FAM118A: variants seen among roughly 807,000 people sequenced by gnomAD.
FAM118A encodes the protein protein FAM118A.
A neutral mutation model predicts 38.2 loss-of-function variants in FAM118A; 25 were observed. The ratio of observed to expected loss-of-function variants is 0.65; its 90% CI spans 0.48 to 0.91. The LOEUF (loss-of-function observed/expected upper bound fraction) is 0.91, where lower values mean the gene tolerates loss of function less well. FAM118A is among the 40% of genes least tolerant of loss of function. The pLI is 0.00. For synonymous variants in FAM118A, 178 were observed against 184.1 expected (o/e 0.97, Z 0.27); for missense variants, 425 against 463.3 (o/e 0.92, Z 0.76).
At chr22:45,317,517 C>T (rs748238465) in intron 1 of FAM118A, among the ~76,000 whole-genome samples, 2 of 152,168 alleles carry the variant, frequency 1.3e-5, no homozygotes, top group African/African-American at 2.4e-5. Flanking sequence ...TTTTTTGTTA[C>T]ACCACTTTTA....
intron 1 of FAM118A, among the ~76,000 whole-genome samples, chr22:45,312,092 T>C (rs1209284839): frequency 6.6e-6 from 1 of 152,078 alleles, no homozygotes; most frequent in Admixed American, 6.5e-5. Context: ...CATCGTGCTT[T>C]TTCTATTATC....
intron 1 of FAM118A, among the ~76,000 whole-genome samples, chr22:45,314,579 C>T (rs1339684729): frequency 6.6e-6 from 1 of 152,224 alleles, no homozygotes. Flanking sequence ...AAAATTAGGG[C>T]ATTTGGTTTC....
chr22:45,309,860 C>G (rs866615162), upstream of FAM118A: 12 of 151,974 alleles, frequency 7.9e-5, no homozygotes, highest in Admixed American at 2.6e-4. Context: ...GGCGGGGCCT[C>G]CGGGGACCGC....
At chr22:45,323,800 C>T (rs2085060034) in intron 3 of FAM118A, among the ~76,000 whole-genome samples, 2 of 152,198 alleles carry the variant, frequency 1.3e-5, no homozygotes. Context: ...ATGACAGGTG[C>T]TTCCTAGAAA....
chr22:45,330,482 A>C, intron 4 of FAM118A, 121 bp from the exon 5 acceptor site: 1 of 1,132,440 alleles, frequency 8.8e-7, no homozygotes, highest in Non-Finnish European at 1.2e-6. Context: ...AAAGTGAAGC[A>C]TCTCTCGATG....
chr22:45,332,965 ACTC>A (rs1388484267), intron 6 of FAM118A, among the ~76,000 whole-genome samples: 1 of 151,348 alleles, frequency 6.6e-6, no homozygotes, highest in Non-Finnish European at 1.5e-5. Flanking sequence ...CTGGTCTCGA[ACTC>A]CTGACCTCAG....
chr22:45,326,380 T>C (rs2085267258), intron 3 of FAM118A, among the ~76,000 whole-genome samples: 1 of 152,164 alleles, frequency 6.6e-6, no homozygotes, highest in South Asian at 2.1e-4. Flanking sequence ...TCCTCTTGTG[T>C]CTCTCAGAGT....
At chr22:45,332,282 CCTT>C (rs10592722) in intron 5 of FAM118A, 140 bp from the exon 6 acceptor site, 279,612 of 839,686 alleles carry the variant, frequency 0.33, 54,216 homozygotes, top group African/African-American at 0.75. Flanking sequence ...AGGATACTGT[CCTT>C]CTAACTGTGC....
intron 7 of FAM118A, among the ~76,000 whole-genome samples, chr22:45,336,123 C>T (rs749412558): frequency 6.6e-6 from 1 of 152,192 alleles, no homozygotes; most frequent in African/African-American, 2.4e-5. Flanking sequence ...TGCGAAAGGA[C>T]ATCTTCATTA....
intron 8 of FAM118A, among the ~76,000 whole-genome samples, chr22:45,338,153 T>C (rs1447955244): frequency 6.6e-6 from 1 of 152,220 alleles, no homozygotes; most frequent in Non-Finnish European, 1.5e-5. Context: ...CCATCTTCTC[T>C]GTTCTCCCTT....
chr22:45,325,714 G>C (rs1432822419), intron 3 of FAM118A, among the ~76,000 whole-genome samples: 3 of 152,198 alleles, frequency 2.0e-5, no homozygotes, highest in Admixed American at 2.0e-4. Context: ...AGGACTATTG[G>C]AGGAGAGTGA....
intron 1 of FAM118A, among the ~76,000 whole-genome samples, chr22:45,313,468 G>A (rs1203488724): frequency 3.3e-5 from 5 of 151,882 alleles, no homozygotes; most frequent in South Asian, 4.2e-4. Context: ...GATTACAGGC[G>A]CCTGCCACCT....
rs530733217 is a variant in FAM118A, at chr22:45,330,509, G to T, written c.523-94G>T. On this transcript the variant is annotated intron_variant, in intron 4 of 8. Coordinates refer to ENST00000441876, the MANE Select transcript of FAM118A (RefSeq NM_017911.4). ...CTCTCGATGATTCTTTCCAAGATAG[G>T]TTTAAAAACTATGAATCCATTTTCA... 2.2e-6 allele frequency: 3 copies of T among 1,336,880 alleles called. No homozygotes were observed. In the African/African-American group the frequency reaches 4.4e-5, roughly 20 times the overall value. The allele number at this position is 1,336,880 out of a possible 1,614,324, so 82.8% of individuals were successfully genotyped here.
At chr22:45,327,748 G>A (rs532794207) in intron 3 of FAM118A, 94 bp from the exon 4 acceptor site, 14 of 1,279,402 alleles carry the variant, frequency 1.1e-5, no homozygotes, top group African/African-American at 1.5e-5. Flanking sequence ...GTTTTCAGCC[G>A]CTGTATCTCT....
At chr22:45,316,230 C>T (rs927600124) in intron 1 of FAM118A, among the ~76,000 whole-genome samples, 31 of 152,068 alleles carry the variant, frequency 2.0e-4, no homozygotes, top group African/African-American at 6.0e-4. Flanking sequence ...ATTAGAGACA[C>T]GGTTTCACCA....
chr22:45,328,015 G>A lies in FAM118A; in HGVS notation c.474G>A (p.Arg158=), dbSNP rs143675940. Reference sequence around the variant, plus strand: ...ACAACCTGCTGGAGGCCTTTGGCCGGCGGCAGAACAAGCCCATGGAGTCCC... The same window carrying A: ...ACAACCTGCTGGAGGCCTTTGGCCGACGGCAGAACAAGCCCATGGAGTCCC... ...NYDNLLEAFG[R]RQNKPMESLD... is the part of the protein sequence containing the mutation. The change falls in exon 4 of 9, where the codon CGG becomes CGA. Residue 158 remains arginine (R), a synonymous_variant. Transcript: ENST00000441876. 2.1e-4 allele frequency: 342 copies of A among 1,603,092 alleles called. No individual in the cohort carries two copies. Among genetic ancestry groups the A allele is most frequent in the Non-Finnish European group, 2.2e-4 (262 of 1,172,628 alleles).
At chr22:45,336,963 T>C (rs892598123) in intron 8 of FAM118A, among the ~76,000 whole-genome samples, 4 of 152,256 alleles carry the variant, frequency 2.6e-5, no homozygotes, top group Non-Finnish European at 5.9e-5. Context: ...GATTGAACTA[T>C]TTATCTAAAC....
intron 1 of FAM118A, among the ~76,000 whole-genome samples, chr22:45,313,569 C>T (rs564280796): frequency 2.0e-5 from 3 of 152,168 alleles, no homozygotes; most frequent in South Asian, 4.2e-4. Context: ...GTGATCCATT[C>T]GCCTCGGCCT....
chr22:45,324,259 C>T (rs933038775), intron 3 of FAM118A, among the ~76,000 whole-genome samples: 7 of 152,238 alleles, frequency 4.6e-5, no homozygotes, highest in Admixed American at 1.3e-4. Flanking sequence ...CCTAGAGACC[C>T]GGGTGGGCAG....
Sources: allele counts gnomAD v4.1 joint callset (sites outside exome capture counted in the v4.1 genomes callset), GRCh38; gene constraint gnomAD v4.1.1; transcripts MANE v1.5; gene names NCBI Gene and HGNC (gene_info 2026-07-23, HGNC 2026-07-21).